Variants in FAF1 observed in about 807,000 individuals in gnomAD.
FAF1 encodes Fas associated factor 1.
FAF1 carries 25 observed loss-of-function variants against 92.5 expected under a neutral mutation model. The observed-to-expected ratio is 0.27, with a 90% CI of 0.20 to 0.38. The LOEUF (loss-of-function observed/expected upper bound fraction) is 0.38. Among genes scored for constraint, FAF1 ranks in the 10% least tolerant of loss-of-function variants. The pLI is 1.00. For synonymous variants in FAF1, 234 were observed against 273.2 expected, an observed-to-expected ratio of 0.86 and a Z score of 1.42; for missense variants, 636 against 793.3, an observed-to-expected ratio of 0.80 and a Z score of 2.38.
In FAF1 at chr1:50,637,681, A is replaced by ATATG. The variant is rs1553123409; in HGVS notation, c.744+17760_744+17761insCATA. On this transcript the variant is annotated intron_variant, in intron 8 of 18. Transcript: ENST00000396153. ...CACTCTGTGGCTCACACATATATAT[A>ATATG]TGTGTGTGTGTGTGTGTGTGTGTGT... Among the ~76,000 whole-genome samples the ATATG allele has an allele frequency of 5.9e-3, 814 of 137,140 alleles. 7 individuals are homozygous for ATATG. The highest frequency in any genetic ancestry group is 0.017 in the African/African-American group (611 of 35,972). The allele number at this position is 137,140 out of a possible 152,430, so 90.0% of individuals were successfully genotyped here.
chr1:50,802,779 T>A (rs1314503927), intron 2 of FAF1, among the ~76,000 whole-genome samples: 2 of 152,182 alleles, frequency 1.3e-5, no homozygotes, highest in Non-Finnish European at 2.9e-5. Context: ...CCCTTCCGTA[T>A]CCACATCAAA....
intron 8 of FAF1, among the ~76,000 whole-genome samples, chr1:50,598,676 G>A (rs114974481): frequency 1.1e-3 from 163 of 152,000 alleles, no homozygotes; most frequent in African/African-American, 3.5e-3. Context: ...TGTGCTGGGC[G>A]CAATGGCTCA....
intron 8 of FAF1, among the ~76,000 whole-genome samples, chr1:50,606,582 C>A (rs1427566563): frequency 2.0e-5 from 3 of 147,866 alleles, no homozygotes; most frequent in Non-Finnish European, 4.5e-5. Context: ...TCACCACAAC[C>A]TCCGCCTCCC....
chr1:50,918,296 C>T (rs1455695862), intron 1 of FAF1, among the ~76,000 whole-genome samples: 6 of 121,544 alleles, frequency 4.9e-5, no homozygotes, highest in Non-Finnish European at 1.0e-4. Flanking sequence ...CACCCACTAA[C>T]GTGTCATCTA....
intron 8 of FAF1, among the ~76,000 whole-genome samples, chr1:50,631,105 C>T (rs1465565796): frequency 6.6e-6 from 1 of 151,972 alleles, no homozygotes; most frequent in Non-Finnish European, 1.5e-5. Context: ...TTTCATTCTC[C>T]TACCATTCCT....
intron 15 of FAF1, among the ~76,000 whole-genome samples, chr1:50,497,826 G>A (rs2149013596): frequency 6.6e-6 from 1 of 152,090 alleles, no homozygotes; most frequent in South Asian, 2.1e-4. Context: ...GGGATTACAG[G>A]TGTGTGCCAC....
intron 9 of FAF1, among the ~76,000 whole-genome samples, chr1:50,594,855 GA>G (rs1331008665): frequency 2.8e-5 from 4 of 141,202 alleles, no homozygotes; most frequent in African/African-American, 1.1e-4. Context: ...TGGGCAACAA[GA>G]GTGAAACCCC....
At chr1:50,528,582 T>TCACAC (rs1194621879) in intron 15 of FAF1, among the ~76,000 whole-genome samples, 2 of 152,228 alleles carry the variant, frequency 1.3e-5, no homozygotes, top group Non-Finnish European at 2.9e-5. Flanking sequence ...CACACTCAGA[T>TCACAC]TCAGCTGCCT....
intron 8 of FAF1, among the ~76,000 whole-genome samples, chr1:50,616,073 T>C (rs1652901524): frequency 6.6e-6 from 1 of 152,216 alleles, no homozygotes; most frequent in Non-Finnish European, 1.5e-5. Flanking sequence ...CCTTTGCATA[T>C]GGCTAGCCAG....
chr1:50,743,204 A>G (rs946503036), intron 5 of FAF1, among the ~76,000 whole-genome samples: 1 of 152,212 alleles, frequency 6.6e-6, no homozygotes, highest in African/African-American at 2.4e-5. Flanking sequence ...TCACTGAAAT[A>G]CTCAGAACAT....
intron 8 of FAF1, among the ~76,000 whole-genome samples, chr1:50,600,960 C>T (rs961748656): frequency 2.6e-5 from 4 of 152,092 alleles, no homozygotes; most frequent in Admixed American, 2.6e-4. Flanking sequence ...TCCACATAAA[C>T]AAAAGCTCTC....
At chr1:50,538,450 T>C (rs76048034) in intron 14 of FAF1, among the ~76,000 whole-genome samples, 2,476 of 152,104 alleles carry the variant, frequency 0.016, 75 homozygotes, top group African/African-American at 0.055. Context: ...ATGACTACTA[T>C]TGCAGTTTTG....
chr1:50,699,098 G>A (rs1222597196), intron 7 of FAF1, among the ~76,000 whole-genome samples: 1 of 151,892 alleles, frequency 6.6e-6, no homozygotes, highest in African/African-American at 2.4e-5. Context: ...AAATGAACAT[G>A]GTGGCGGTAA....
At chr1:50,566,276 T>C (rs1258840509) in intron 13 of FAF1, among the ~76,000 whole-genome samples, 1 of 152,092 alleles carries the variant, frequency 6.6e-6, no homozygotes, top group Non-Finnish European at 1.5e-5. Context: ...TTTCTAATTG[T>C]TCTATAATCG....
chr1:50,826,151 G>A (rs1357571003), intron 2 of FAF1, among the ~76,000 whole-genome samples: 2 of 152,056 alleles, frequency 1.3e-5, no homozygotes, highest in Admixed American at 6.6e-5. Context: ...GAATTTAAAT[G>A]TAAAGATAAA....
At chr1:50,957,354 T>C (rs1040407009) in intron 1 of FAF1, among the ~76,000 whole-genome samples, 17 of 104,118 alleles carry the variant, frequency 1.6e-4, no homozygotes, top group Admixed American at 3.6e-4. Flanking sequence ...TTTCTTTTTT[T>C]TTTTTTTTTT....
chr1:50,628,615 T>C (rs1254611772), intron 8 of FAF1, among the ~76,000 whole-genome samples: 1 of 152,178 alleles, frequency 6.6e-6, no homozygotes, highest in African/African-American at 2.4e-5. Flanking sequence ...GTCAAAAGCT[T>C]AAAAGTGATT....
intron 15 of FAF1, among the ~76,000 whole-genome samples, chr1:50,505,390 A>G (rs1448994241): frequency 1.3e-5 from 2 of 152,192 alleles, no homozygotes; most frequent in African/African-American, 4.8e-5. Context: ...CAGCCTTGTT[A>G]TGTGGTATAT....
intron 6 of FAF1, among the ~76,000 whole-genome samples, chr1:50,734,696 TG>T (rs1403377789): frequency 2.0e-5 from 3 of 147,886 alleles, no homozygotes; most frequent in Non-Finnish European, 3.0e-5. Context: ...ATCACGCCAC[TG>T]CACTCCAGCC....
Sources: allele counts gnomAD v4.1 joint callset (sites outside exome capture counted in the v4.1 genomes callset), GRCh38; gene constraint gnomAD v4.1.1; transcripts MANE v1.5; gene names NCBI Gene and HGNC (gene_info 2026-07-23, HGNC 2026-07-21).